Variants in SLC25A13 observed in about 807,000 individuals in gnomAD.
SLC25A13 encodes the protein solute carrier family 25 member 13, also known as electrogenic aspartate/glutamate antiporter SLC25A13, mitochondrial.
In SLC25A13, 70 loss-of-function variants were observed where a neutral mutation model predicts 85.5. That is an observed-to-expected ratio of 0.82 (90% CI 0.68 to 1.00). The LOEUF is 1.00. SLC25A13 is among the 50% of genes least tolerant of loss of function. The pLI is 0.00. For missense variants in SLC25A13, 765 were observed against 819.8 expected, an observed-to-expected ratio of 0.93 and a Z score of 0.82; for synonymous variants, 259 against 288.7, an observed-to-expected ratio of 0.90 and a Z score of 1.04.
intron 3 of SLC25A13, among the ~76,000 whole-genome samples, chr7:96,260,456 AC>A (rs1392242465): frequency 6.6e-6 from 1 of 152,052 alleles, no homozygotes; most frequent in Non-Finnish European, 1.5e-5. Context: ...CAATTCCCCC[AC>A]CCTACAAAAC....
At chr7:96,304,933 C>T (rs1799689738) in intron 1 of SLC25A13, among the ~76,000 whole-genome samples, 1 of 152,214 alleles carries the variant, frequency 6.6e-6, no homozygotes, top group South Asian at 2.1e-4. Flanking sequence ...AATTAATACA[C>T]TAATTCTGCT....
chr7:96,281,871 G>A (rs1798692257), intron 2 of SLC25A13, among the ~76,000 whole-genome samples: 1 of 152,176 alleles, frequency 6.6e-6, no homozygotes, highest in African/African-American at 2.4e-5. Context: ...TCTGCTCTGT[G>A]ATTTAAGTAA....
At chr7:96,184,877 A>G in intron 10 of SLC25A13, 50 bp downstream of exon 10, 2 of 1,396,266 alleles carry the variant, frequency 1.4e-6, no homozygotes, top group South Asian at 1.2e-5. Context: ...ATCAGAGAAA[A>G]GAGAATAGGA....
intron 4 of SLC25A13, among the ~76,000 whole-genome samples, chr7:96,213,575 T>C (rs1275557446): frequency 6.6e-6 from 1 of 152,084 alleles, no homozygotes; most frequent in East Asian, 1.9e-4. Flanking sequence ...CCCTGACCAT[T>C]CCAAACCTAA....
At chr7:96,175,861 T>G (rs759604492) in intron 11 of SLC25A13, among the ~76,000 whole-genome samples, 1 of 152,228 alleles carries the variant, frequency 6.6e-6, no homozygotes, top group Non-Finnish European at 1.5e-5. Context: ...AACTTCAACT[T>G]AGAATAAAAC....
chr7:96,298,646 T>C (rs917828697), intron 1 of SLC25A13, among the ~76,000 whole-genome samples: 5 of 152,158 alleles, frequency 3.3e-5, no homozygotes, highest in Admixed American at 6.6e-5. Flanking sequence ...TTGGCCAGGC[T>C]GGTCTCCAAC....
chr7:96,269,018 T>C (rs778530696), intron 3 of SLC25A13, among the ~76,000 whole-genome samples: 30 of 152,344 alleles, frequency 2.0e-4, no homozygotes, highest in Non-Finnish European at 4.0e-4. Flanking sequence ...TTCATAGCAG[T>C]ATCACTACAT....
intron 3 of SLC25A13, among the ~76,000 whole-genome samples, chr7:96,273,905 T>TA (rs1798340060): frequency 6.6e-6 from 1 of 152,248 alleles, no homozygotes; most frequent in Admixed American, 6.5e-5. Flanking sequence ...CTTGCTGGCA[T>TA]AAGTCTGTGT....
intron 13 of SLC25A13, among the ~76,000 whole-genome samples, chr7:96,167,496 A>C (rs1793803881): frequency 6.6e-6 from 1 of 152,226 alleles, no homozygotes; most frequent in Admixed American, 6.5e-5. Context: ...ACAGATCATA[A>C]AACAGAATAA....
In SLC25A13 at chr7:96,189,587, G is replaced by A. The variant is rs1794769664; in HGVS notation, c.842C>T (p.Pro281Leu). The A allele has an allele frequency of 6.9e-6, 11 of 1,602,644 alleles. No individual in the cohort carries two copies. In the East Asian group the frequency reaches 2.5e-4, roughly 36 times the overall value. Residue 281 changes from proline (P) to leucine (L), a missense_variant, in exon 8 of 18, where the codon CCA becomes CTA. Transcript: ENST00000265631. The part of the protein sequence containing the change: ...ILFQLADLYE[P>L]RGRMTLADIE... ...AAAAAAAAAGCCAACTTACCCCCTT[G>A]GCTCATATAAATCTGCTAACTGAAA...
intron 17 of SLC25A13, 121 bp from the exon 18 acceptor site, chr7:96,121,498 G>T: frequency 7.2e-7 from 1 of 1,381,794 alleles, no homozygotes; most frequent in Non-Finnish European, 1.0e-6. Context: ...CTCATCAGTT[G>T]TATGTTCCCC....
Position 96,191,155 on chromosome 7 carries a change from G to C in SLC25A13, c.708C>G (p.Ile236Met), listed in dbSNP as rs770492749. 1.2e-6 allele frequency: 2 copies of C among 1,613,904 alleles called. No individual in the cohort carries two copies. Among genetic ancestry groups the C allele is most frequent in the African/African-American group, 1.3e-5 (1 of 74,898 alleles). ...TCCTGGTGCCAGCCAGAGTGCTATA[G>C]ATCTTTCTAATGAGTTCCATGTTGT... ...LLNNMELIRK[I>M]YSTLAGTRKD... Residue 236 changes from isoleucine to methionine, a missense_variant, in exon 7 of 18, where the codon ATC (isoleucine) becomes ATG (methionine). By Grantham distance (10) the Ile-to-Met change is conservative. Transcript: ENST00000265631.
intron 3 of SLC25A13, among the ~76,000 whole-genome samples, chr7:96,254,069 CATT>C (rs894576035): frequency 2.6e-5 from 4 of 152,102 alleles, no homozygotes; most frequent in Non-Finnish European, 5.9e-5. Context: ...TGGAGACAAA[CATT>C]ATACAAATGC....
chr7:96,314,863 C>T (rs941308442), intron 1 of SLC25A13, among the ~76,000 whole-genome samples: 1 of 152,174 alleles, frequency 6.6e-6, no homozygotes, highest in African/African-American at 2.4e-5. Flanking sequence ...TCAACTCTCC[C>T]CACACCTTTC....
At chr7:96,174,522 A>G (rs776736196) in intron 11 of SLC25A13, among the ~76,000 whole-genome samples, 1 of 152,232 alleles carries the variant, frequency 6.6e-6, no homozygotes, top group Admixed American at 6.5e-5. Flanking sequence ...CTACCTCTTC[A>G]CAATTGAAAT....
intron 2 of SLC25A13, among the ~76,000 whole-genome samples, chr7:96,294,538 G>T (rs997646794): frequency 6.6e-6 from 1 of 150,784 alleles, no homozygotes; most frequent in Non-Finnish European, 1.5e-5. Context: ...GAACCCGGGA[G>T]ACAGAGGTTG....
intron 3 of SLC25A13, among the ~76,000 whole-genome samples, chr7:96,261,315 G>A (rs1237853218): frequency 6.6e-6 from 1 of 152,090 alleles, no homozygotes; most frequent in African/African-American, 2.4e-5. Flanking sequence ...TTAGAACAGT[G>A]CCTGGCACAT....
At chr7:96,296,974 TTATGTTATTACAACAA>T in intron 1 of SLC25A13, 23 bp from the exon 2 acceptor site, 1 of 1,596,982 alleles carries the variant, frequency 6.3e-7, no homozygotes, top group East Asian at 2.2e-5. Context: ...ATAAAAATGT[TTATGTTATTACAACAA>T]AGCTGAGAAA....
At chr7:96,310,017 C>G (rs1022319864) in intron 1 of SLC25A13, among the ~76,000 whole-genome samples, 1 of 152,158 alleles carries the variant, frequency 6.6e-6, no homozygotes, top group Non-Finnish European at 1.5e-5. Flanking sequence ...CATCTACAAG[C>G]CAAGGAGAGA....
Sources: allele counts gnomAD v4.1 joint callset (sites outside exome capture counted in the v4.1 genomes callset), GRCh38; gene constraint gnomAD v4.1.1; transcripts MANE v1.5; gene names NCBI Gene and HGNC (gene_info 2026-07-23, HGNC 2026-07-21).